The following PCSK6 variants were observed in gnomAD, a reference collection of about 807,000 sequenced individuals.
The protein encoded by PCSK6 is proprotein convertase subtilisin/kexin type 6, also known as paired basic amino acid cleaving enzyme 4.
Under a neutral mutation model 123.3 loss-of-function variants are expected in PCSK6, and 85 were observed. The observed-to-expected ratio is 0.69, with a 90% CI of 0.58 to 0.83. The LOEUF is 0.83. Ranked by LOEUF, PCSK6 falls within the 40% of genes least tolerant of loss-of-function variation. The pLI, the probability that PCSK6 is intolerant of heterozygous loss-of-function variation, is 0.00. For missense variants in PCSK6, 1,191 were observed against 1,282.3 expected (o/e 0.93, Z 1.09); for synonymous variants, 508 against 516.0 (o/e 0.98, Z 0.21).
chr15:101,456,371 A>G (rs1188530372), intron 1 of PCSK6, among the ~76,000 whole-genome samples: 2 of 152,076 alleles, frequency 1.3e-5, no homozygotes, highest in Non-Finnish European at 2.9e-5. Flanking sequence ...GGCTGCTCCA[A>G]CCGTTCCTTC....
chr15:101,323,216 C>T (rs760817392), intron 17 of PCSK6, among the ~76,000 whole-genome samples: 4 of 152,226 alleles, frequency 2.6e-5, no homozygotes, highest in Non-Finnish European at 5.9e-5. Flanking sequence ...GCTTGCCACA[C>T]CTGCACGTGT....
chr15:101,473,064 G>A (rs1567248117), intron 1 of PCSK6, among the ~76,000 whole-genome samples: 1 of 152,046 alleles, frequency 6.6e-6, no homozygotes, highest in Non-Finnish European at 1.5e-5. Context: ...ATTTGGATTG[G>A]TTTTTGTTTT....
intron 20 of PCSK6, 99 bp from the exon 21 acceptor site, chr15:101,307,424 C>T (rs1046435975): frequency 2.5e-6 from 2 of 798,916 alleles, no homozygotes; most frequent in African/African-American, 1.7e-5. Context: ...TCCTTCCCAC[C>T]CCCTCAGCCT....
intron 4 of PCSK6, among the ~76,000 whole-genome samples, chr15:101,430,732 C>T (rs558450643): frequency 1.6e-4 from 24 of 152,312 alleles, no homozygotes; most frequent in Non-Finnish European, 2.9e-4. Flanking sequence ...ACTTAATCAC[C>T]GGTAGGTGCC....
At position 101,425,160 on chromosome 15, in the gene PCSK6, C is replaced by T. The variant is rs140071886; in HGVS notation, c.823+2732G>A. Among the ~76,000 whole-genome samples the T allele has an allele frequency of 3.6e-3, 555 of 152,246 alleles. 4 individuals are homozygous for T. Among genetic ancestry groups the T allele is most frequent in the African/African-American group, 0.012 (517 of 41,550 alleles). ...GCTGAGGAGACAATTACGTCTGCGG[C>T]GTGGGGCTGGGGTGAGCAGGCCACA... On this transcript the variant is annotated intron_variant, in intron 6 of 21. Coordinates refer to ENST00000611716, the MANE Select transcript of PCSK6 (RefSeq NM_002570.5).
At chr15:101,375,109 T>C (rs2003428) in intron 11 of PCSK6, among the ~76,000 whole-genome samples, 67,464 of 151,888 alleles carry the variant, frequency 0.44, 15,816 homozygotes, top group East Asian at 0.69. Flanking sequence ...TGCGCCACCA[T>C]GCCCGGCCAA....
In PCSK6 at chr15:101,305,312, G is replaced by C; in HGVS notation, c.2856C>G (p.Cys952Trp). 1 of 1,612,702 alleles carries C rather than the reference G, an allele frequency of 6.2e-7. No homozygotes were observed. The highest frequency in any genetic ancestry group is 8.5e-7 in the Non-Finnish European group (1 of 1,179,770). ...AGAACTGAATGAAGAGCTTCCGTTC[G>C]CACAGCCGGTTGGACTTCACCATCT... ...FCEMVKSNRL[C>W]ERKLFIQFCC... is the part of the protein sequence containing the mutation. The change falls in exon 22 of 22, where the codon TGC (cysteine) becomes TGG (tryptophan). Residue 952 changes from cysteine (C) to tryptophan (W), a missense_variant. By Grantham distance (215) the Cys-to-Trp change is radical (BLOSUM62 -2). Around this residue, in one of 3 missense-constraint regions of PCSK6, gnomAD observed 630 missense variants for 631.4 expected, o/e 1.00. Coordinates refer to ENST00000611716, the MANE Select transcript of PCSK6 (RefSeq NM_002570.5). This position sits in a 1 kb window ranked among gnomAD's most constrained non-coding sequence, Gnocchi z 4.8.
At chr15:101,456,251 G>A (rs201230450) in intron 1 of PCSK6, among the ~76,000 whole-genome samples, 1 of 71,292 alleles carries the variant, frequency 1.4e-5, no homozygotes, top group Non-Finnish European at 4.4e-5. Flanking sequence ...GCTGATTCAC[G>A]TAACAGCAGC....
intron 7 of PCSK6, 120 bp from the exon 8 acceptor site, chr15:101,393,544 C>G (rs2042300171): frequency 1.4e-6 from 1 of 710,664 alleles, no homozygotes. Context: ...AGGTTGCATT[C>G]AGACCATCTG....
At chr15:101,479,428 G>T (rs558874962) in intron 1 of PCSK6, among the ~76,000 whole-genome samples, 2 of 152,342 alleles carry the variant, frequency 1.3e-5, no homozygotes, top group African/African-American at 4.8e-5. Flanking sequence ...TGTGGGAAAT[G>T]GCCTGGAAGG....
chr15:101,313,304 G>A, intron 20 of PCSK6, 72 bp downstream of exon 20: 1 of 1,610,832 alleles, frequency 6.2e-7, no homozygotes, highest in Non-Finnish European at 8.5e-7. Flanking sequence ...GGAAGATGCT[G>A]CCAGACTCTG....
rs1349301279 is a variant in PCSK6, at chr15:101,305,541, C to T, written c.2813-186G>A. 2 of 524,210 alleles carry T rather than the reference C, an allele frequency of 3.8e-6. No homozygotes were observed. The highest frequency in any genetic ancestry group is 6.9e-6 in the Non-Finnish European group (2 of 289,082). 32.5% of individuals were successfully genotyped at this position (524,210 alleles called of 1,614,324 possible). A position where few individuals can be genotyped will look rare whatever the true frequency, so the allele number is the denominator to read the frequency against. On this transcript the variant is annotated intron_variant, in intron 21 of 21. Transcript: ENST00000611716. This position sits in a 1 kb window ranked among gnomAD's most constrained non-coding sequence, Gnocchi z 4.8. ...TAACCAACATGGTGAAACCCCGTCT[C>T]TACTAATAATATAAAAATTAGCTGG... is the stretch of plus-strand genomic sequence containing the variant.
At chr15:101,485,577 G>T (rs575685930) in intron 1 of PCSK6, among the ~76,000 whole-genome samples, 22 of 152,286 alleles carry the variant, frequency 1.4e-4, no homozygotes, top group African/African-American at 5.3e-4. Flanking sequence ...GTTGTGTAAT[G>T]TGAGGATCTA....
At chr15:101,404,529 G>T (rs1454214806) in intron 6 of PCSK6, among the ~76,000 whole-genome samples, 1 of 152,178 alleles carries the variant, frequency 6.6e-6, no homozygotes, top group Non-Finnish European at 1.5e-5. Context: ...GCAAGAGGCT[G>T]GCAAGATCGT....
chr15:101,312,572 C>CAT (rs1237385037), intron 20 of PCSK6, among the ~76,000 whole-genome samples: 1 of 152,146 alleles, frequency 6.6e-6, no homozygotes, highest in African/African-American at 2.4e-5. Flanking sequence ...GGCTCACACC[C>CAT]GTAATCCCAG....
At position 101,466,945 on chromosome 15, in the gene PCSK6, T is replaced by C. The variant is rs544985636; in HGVS notation, c.297+22429A>G. ...TGGGGTGCGGGGACAGTTGTACAAC[T>C]CTCTGAATGTACCAAAACCCACTGA... On this transcript the variant is annotated intron_variant, in intron 1 of 21. Coordinates refer to ENST00000611716, the MANE Select transcript of PCSK6 (RefSeq NM_002570.5). Among the ~76,000 whole-genome samples, 24 of 152,212 alleles carry C rather than the reference T, an allele frequency of 1.6e-4. 2 individuals are homozygous for C. The South Asian group carries it at 4.8e-3, about 30-fold the overall frequency.
At chr15:101,482,420 C>T (rs959034206) in intron 1 of PCSK6, among the ~76,000 whole-genome samples, 1 of 152,198 alleles carries the variant, frequency 6.6e-6, no homozygotes, top group African/African-American at 2.4e-5. Context: ...AAGTACAACC[C>T]GGAAGCCCTC....
At chr15:101,350,982 A>C (rs1391205709) in intron 13 of PCSK6, among the ~76,000 whole-genome samples, 2 of 152,230 alleles carry the variant, frequency 1.3e-5, no homozygotes, top group African/African-American at 4.8e-5. Flanking sequence ...AATTATACTA[A>C]AAACAAAGGT....
At chr15:101,314,676 A>G (rs1034731653) in intron 19 of PCSK6, among the ~76,000 whole-genome samples, 1 of 152,212 alleles carries the variant, frequency 6.6e-6, no homozygotes, top group African/African-American at 2.4e-5. Flanking sequence ...GAGCTCCTGC[A>G]GGAGAAGCTC....
Sources: allele counts gnomAD v4.1 joint callset (sites outside exome capture counted in the v4.1 genomes callset), GRCh38; gene constraint gnomAD v4.1.1; regional missense constraint gnomAD v4.1.1; non-coding constraint Gnocchi (gnomAD v3.1); transcripts MANE v1.5; gene names NCBI Gene and HGNC (gene_info 2026-07-23, HGNC 2026-07-21).